SDK1: variants seen among roughly 807,000 people sequenced by gnomAD.
The protein encoded by SDK1 is sidekick cell adhesion molecule 1, also known as protein sidekick-1.
In SDK1, 157 loss-of-function variants were observed where a neutral mutation model predicts 245.5. That is an observed-to-expected ratio of 0.64 (90% CI 0.56 to 0.73). The LOEUF (loss-of-function observed/expected upper bound fraction) is 0.73, where lower values mean the gene tolerates loss of function less well. Among genes scored for constraint, SDK1 ranks in the 30% least tolerant of loss-of-function variants. The pLI is 0.00. For synonymous variants in SDK1, 1,647 were observed against 1,278.5 expected (o/e 1.29, Z -6.15); for missense variants, 3,583 against 3,002.3 (o/e 1.19, Z -4.52).
At chr7:3,517,306 CT>C (rs1782785345) in intron 1 of SDK1, among the ~76,000 whole-genome samples, 1 of 152,122 alleles carries the variant, frequency 6.6e-6, no homozygotes, top group African/African-American at 2.4e-5. Flanking sequence ...AATGTTTAAT[CT>C]GTTTTCATGT....
chr7:3,882,510 A>G (rs2128099747), intron 5 of SDK1, among the ~76,000 whole-genome samples: 1 of 152,338 alleles, frequency 6.6e-6, no homozygotes, highest in African/African-American at 2.4e-5. Context: ...GTTTGGACTC[A>G]GTAAATACCT....
intron 1 of SDK1, among the ~76,000 whole-genome samples, chr7:3,303,974 A>G (rs1478981437): frequency 6.6e-6 from 1 of 152,172 alleles, no homozygotes; most frequent in Non-Finnish European, 1.5e-5. Flanking sequence ...TAAGTACCAT[A>G]TTATTACATT....
chr7:3,362,279 G>A (rs539999946), intron 1 of SDK1, among the ~76,000 whole-genome samples: 4 of 152,328 alleles, frequency 2.6e-5, no homozygotes, highest in African/African-American at 9.6e-5. Flanking sequence ...TGTGAGCTGA[G>A]TGTAAATGCA....
At chr7:3,657,108 G>A (rs1583278163) in intron 4 of SDK1, among the ~76,000 whole-genome samples, 1 of 152,122 alleles carries the variant, frequency 6.6e-6, no homozygotes, top group Non-Finnish European at 1.5e-5. Flanking sequence ...GGGGAAAGCT[G>A]CCGTCTAGAA....
intron 5 of SDK1, among the ~76,000 whole-genome samples, chr7:3,880,698 C>G (rs1047083207): frequency 3.3e-5 from 5 of 152,044 alleles, no homozygotes; most frequent in African/African-American, 9.7e-5. Flanking sequence ...AACACATTCC[C>G]CAGGTCGAGG....
intron 44 of SDK1, among the ~76,000 whole-genome samples, chr7:4,248,868 C>A (rs1266158007): frequency 1.3e-5 from 2 of 152,064 alleles, no homozygotes; most frequent in East Asian, 3.9e-4. Flanking sequence ...TATACACGTG[C>A]ATGCATACCT....
At chr7:3,565,125 C>T (rs1383227035) in intron 1 of SDK1, among the ~76,000 whole-genome samples, 1 of 150,536 alleles carries the variant, frequency 6.6e-6, no homozygotes, top group African/African-American at 2.4e-5. Context: ...TTTTTTAAAC[C>T]TCACAAGGGG....
intron 1 of SDK1, among the ~76,000 whole-genome samples, chr7:3,487,714 C>G (rs993790553): frequency 3.4e-5 from 5 of 145,962 alleles, no homozygotes; most frequent in Non-Finnish European, 6.0e-5. Context: ...GTGATCATGC[C>G]CCTGCATTGC....
chr7:3,973,595 C>G (rs543546169), intron 12 of SDK1, among the ~76,000 whole-genome samples: 1 of 152,044 alleles, frequency 6.6e-6, no homozygotes, highest in South Asian at 2.1e-4. Context: ...ATGAGTTGGG[C>G]AATTCCACTC....
At chr7:4,167,996 G>A (rs564773765) in intron 32 of SDK1, among the ~76,000 whole-genome samples, 2 of 152,316 alleles carry the variant, frequency 1.3e-5, no homozygotes, top group East Asian at 3.9e-4. Flanking sequence ...CGGAGTTGGA[G>A]AGCCTCTTTC....
At chr7:4,141,554 G>T (rs1029355057) in intron 28 of SDK1, among the ~76,000 whole-genome samples, 6 of 152,198 alleles carry the variant, frequency 3.9e-5, no homozygotes, top group African/African-American at 1.4e-4. Context: ...TGGATTTTGA[G>T]CGAGAAGTCT....
At chr7:4,246,453 A>G (rs1786867408) in intron 44 of SDK1, among the ~76,000 whole-genome samples, 1 of 152,078 alleles carries the variant, frequency 6.6e-6, no homozygotes, top group South Asian at 2.1e-4. Context: ...AGGCTGCCAT[A>G]AAAATTGGTG....
At chr7:4,033,285 C>T (rs1787965825) in intron 17 of SDK1, among the ~76,000 whole-genome samples, 1 of 152,150 alleles carries the variant, frequency 6.6e-6, no homozygotes. Flanking sequence ...TATCCATTCC[C>T]TACCCCCATA....
At chr7:3,391,368 G>A (rs777686079) in intron 1 of SDK1, among the ~76,000 whole-genome samples, 3 of 152,114 alleles carry the variant, frequency 2.0e-5, no homozygotes, top group African/African-American at 4.8e-5. Flanking sequence ...CACTTTGAAT[G>A]TAAGCAGTTT....
chr7:3,487,869 G>C (rs1325974361), intron 1 of SDK1, among the ~76,000 whole-genome samples: 1 of 151,956 alleles, frequency 6.6e-6, no homozygotes, highest in Non-Finnish European at 1.5e-5. Context: ...TGTTGAGCAA[G>C]GCAGGTTCCT....
At chr7:3,973,315 C>CT (rs1306428631) in intron 12 of SDK1, among the ~76,000 whole-genome samples, 2 of 152,158 alleles carry the variant, frequency 1.3e-5, no homozygotes, top group Non-Finnish European at 2.9e-5. Context: ...ACTATGAAGT[C>CT]TTTAAAGAAC....
chr7:3,503,975 C>T (rs2128609151), intron 1 of SDK1, among the ~76,000 whole-genome samples: 1 of 151,988 alleles, frequency 6.6e-6, no homozygotes, highest in South Asian at 2.1e-4. Flanking sequence ...CATGGTGAAA[C>T]CCTGTCTCTA....
intron 1 of SDK1, among the ~76,000 whole-genome samples, chr7:3,379,104 G>A (rs1583770228): frequency 6.6e-6 from 1 of 152,126 alleles, no homozygotes; most frequent in Non-Finnish European, 1.5e-5. Context: ...AACTGACATG[G>A]GTTCCTTCTA....
At position 3,430,447 on chromosome 7, in the gene SDK1, G is replaced by C. The variant is rs754163608; in HGVS notation, c.298+128563G>C. On this transcript the variant is annotated intron_variant, in intron 1 of 44. Coordinates refer to ENST00000404826, the MANE Select transcript of SDK1 (RefSeq NM_152744.4). ...CTGGAACTCCACTAGATACTACTCA[G>C]AAGCTTCGTCCGCCTCATCTGTCTC... 2.0e-5 allele frequency among the ~76,000 whole-genome samples: 3 copies of C among 152,132 alleles called. No homozygotes were observed. The East Asian group carries it at 5.8e-4, about 29-fold the overall frequency.
Sources: allele counts gnomAD v4.1 joint callset (sites outside exome capture counted in the v4.1 genomes callset), GRCh38; gene constraint gnomAD v4.1.1; transcripts MANE v1.5; gene names NCBI Gene and HGNC (gene_info 2026-07-23, HGNC 2026-07-21).